Variants in PLEKHA8 observed in about 807,000 individuals in gnomAD.
The protein encoded by PLEKHA8 is pleckstrin homology domain-containing family A member 8.
Under a neutral mutation model 68.2 loss-of-function variants are expected in PLEKHA8, and 36 were observed. That is an observed-to-expected ratio of 0.53 (90% confidence interval 0.40 to 0.70). The LOEUF (loss-of-function observed/expected upper bound fraction) is 0.70. PLEKHA8 is among the 30% of genes least tolerant of loss of function. PLEKHA8 has a pLI of 0.00. For missense variants in PLEKHA8, 505 were observed against 615.4 expected, an observed-to-expected ratio of 0.82 and a Z score of 1.90; for synonymous variants, 211 against 216.1, an observed-to-expected ratio of 0.98 and a Z score of 0.20.
In PLEKHA8 at chr7:30,049,243, C is replaced by T. The variant is rs776503360; in HGVS notation, c.458C>T (p.Thr153Ile). Residue 153 changes from threonine to isoleucine, a missense_variant, in exon 5 of 14, where the codon ACT (threonine) becomes ATT (isoleucine). Thr to Ile is a moderately conservative substitution (Grantham distance 89). Coordinates refer to ENST00000449726, the MANE Select transcript of PLEKHA8 (RefSeq NM_001197026.2). ...SNSEEGIDVG[T>I]LLKSTCNTFL... is the part of the protein sequence containing the mutation. ...TCGTAGGAGGGAATTGATGTGGGAA[C>T]TTTGCTGAAATCAACCTGTAATACT... is the stretch of plus-strand genomic sequence containing the variant. 11 of 1,613,722 alleles carry T rather than the reference C, an allele frequency of 6.8e-6. No homozygotes were observed. The African/African-American group carries it at 1.3e-4, about 20-fold the overall frequency.
intron 13 of PLEKHA8, among the ~76,000 whole-genome samples, chr7:30,075,295 G>T (rs1794542969): frequency 6.6e-6 from 1 of 152,120 alleles, no homozygotes; most frequent in Admixed American, 6.5e-5. Flanking sequence ...ATAGGTGCTG[G>T]ACCAAATGAA....
In PLEKHA8 at chr7:30,083,485, C is replaced by T; in HGVS notation, c.*4698C>T. ...ATCCTGTCTCAGACAGTCAATAGTC[C>T]TGTGTACAGTGACTATTTGCATGAT... On this transcript the variant is annotated 3_prime_UTR_variant, in exon 14 of 14. Coordinates refer to ENST00000449726, the MANE Select transcript of PLEKHA8 (RefSeq NM_001197026.2). The T allele has an allele frequency of 5.1e-6, 5 of 984,764 alleles. No individual in the cohort carries two copies. Among genetic ancestry groups the T allele is most frequent in the Non-Finnish European group, 6.0e-6 (5 of 829,392 alleles). The allele number at this position is 984,764 out of a possible 1,614,324, so 61.0% of individuals were successfully genotyped here. A position where few individuals can be genotyped will look rare whatever the true frequency, so the allele number is the denominator to read the frequency against.
chr7:30,116,004 G>GTATA (rs1796508621), intron 13 of PLEKHA8: 2 of 140,776 alleles, frequency 1.4e-5, no homozygotes, highest in Non-Finnish European at 3.1e-5. Flanking sequence ...GCATACATAC[G>GTATA]CATACATACG....
chr7:30,077,628 T>C (rs1428188899), intron 13 of PLEKHA8, among the ~76,000 whole-genome samples: 1 of 152,206 alleles, frequency 6.6e-6, no homozygotes, highest in South Asian at 2.1e-4. Flanking sequence ...AGTCCAGGTC[T>C]GCTTCATCTA....
chr7:30,065,948 A>C (rs1453392718), intron 12 of PLEKHA8, among the ~76,000 whole-genome samples: 3 of 145,942 alleles, frequency 2.1e-5, no homozygotes, highest in African/African-American at 7.8e-5. Flanking sequence ...CTGCTGAATC[A>C]GACACTGAGG....
At position 30,045,036 on chromosome 7, in the gene PLEKHA8, G is replaced by A. The variant is rs953636742; in HGVS notation, c.41-49G>A. On this transcript the variant is annotated intron_variant, in intron 1 of 13. Transcript: ENST00000449726. ...CTCTATTTCTGTATCTTGGGAGGTA[G>A]TTCATACACAGGCAGTAATTGCAAT... 3.0e-6 allele frequency: 4 copies of A among 1,327,612 alleles called. No individual in the cohort carries two copies. The South Asian group carries it at 3.8e-5, about 13-fold the overall frequency. The allele number at this position is 1,327,612 out of a possible 1,614,324, so 82.2% of individuals were successfully genotyped here.
intron 13 of PLEKHA8, among the ~76,000 whole-genome samples, chr7:30,106,334 G>T (rs1458588670): frequency 6.6e-6 from 1 of 152,030 alleles, no homozygotes; most frequent in Non-Finnish European, 1.5e-5. Flanking sequence ...AAAGTGCTCG[G>T]ATTATAGACA....
chr7:30,050,676 A>G, intron 6 of PLEKHA8: 2 of 553,270 alleles, frequency 3.6e-6, no homozygotes, highest in Non-Finnish European at 5.6e-6. Context: ...CTAATAGGGA[A>G]GATGTTGGCA....
intron 3 of PLEKHA8, 112 bp from the exon 4 acceptor site, chr7:30,047,720 A>G: frequency 1.8e-6 from 2 of 1,120,132 alleles, no homozygotes; most frequent in Non-Finnish European, 2.4e-6. Flanking sequence ...GACTTTGGGC[A>G]TATGTTCTGT....
intron 13 of PLEKHA8, among the ~76,000 whole-genome samples, chr7:30,104,035 G>A (rs1795971118): frequency 6.6e-6 from 1 of 152,118 alleles, no homozygotes; most frequent in Non-Finnish European, 1.5e-5. Flanking sequence ...TTTAAAAAAT[G>A]CACAATGACT....
chr7:30,062,625 C>T (rs762169658), intron 11 of PLEKHA8, 47 bp from the exon 12 acceptor site: 27 of 1,424,476 alleles, frequency 1.9e-5, no homozygotes, highest in Admixed American at 3.4e-5. Flanking sequence ...ACCCACTCAA[C>T]ATAAGTGAAC....
intron 13 of PLEKHA8, among the ~76,000 whole-genome samples, chr7:30,108,347 G>C (rs1796149096): frequency 6.6e-6 from 1 of 152,060 alleles, no homozygotes. Flanking sequence ...TTTGCCATCA[G>C]AATTGTTATA....
intron 13 of PLEKHA8, chr7:30,116,015 C>A (rs111162204): frequency 6.8e-6 from 1 of 146,876 alleles, no homozygotes; most frequent in Admixed American, 6.7e-5. Context: ...CATACATACG[C>A]ATACATACGT....
rs78213963 is a variant in PLEKHA8, at chr7:30,082,307, C to G, written c.*3520C>G. ...TGAAAATTGCCAGCAGTACCGCCAT[C>G]AGCACACCAAATCTACCCCCACTTA... is the stretch of plus-strand genomic sequence containing the variant. On this transcript the variant is annotated 3_prime_UTR_variant, in exon 14 of 14. Coordinates refer to ENST00000449726, the MANE Select transcript of PLEKHA8 (RefSeq NM_001197026.2). The G allele has an allele frequency of 0.14, 142,025 of 985,364 alleles. 10,306 individuals are homozygous for G. Among genetic ancestry groups the G allele is most frequent in the Middle Eastern group, 0.17 (328 of 1,916 alleles). 61.0% of individuals were successfully genotyped at this position (985,364 alleles called of 1,614,324 possible).
chr7:30,063,027 C>T (rs1031273025), intron 12 of PLEKHA8, among the ~76,000 whole-genome samples: 11 of 152,168 alleles, frequency 7.2e-5, no homozygotes, highest in Non-Finnish European at 4.4e-5. Flanking sequence ...CTAATATTAT[C>T]AAGAAGTTAG....
At chr7:30,104,738 T>TTTG (rs1795996917) in intron 13 of PLEKHA8, among the ~76,000 whole-genome samples, 3 of 146,684 alleles carry the variant, frequency 2.0e-5, no homozygotes, top group Admixed American at 6.9e-5. Flanking sequence ...TTTTTTTTTT[T>TTTG]CTGAGGCAGA....
At chr7:30,048,076 G>A (rs1792100195) in intron 4 of PLEKHA8, 120 bp downstream of exon 4, 1 of 552,744 alleles carries the variant, frequency 1.8e-6, no homozygotes, top group South Asian at 8.4e-5. Context: ...TACCTAAAAA[G>A]CACCAGACGT....
chr7:30,115,970 GTGCATGCATGCATGTATGCATA>G (rs1796499852), intron 13 of PLEKHA8: 6 of 108,490 alleles, frequency 5.5e-5, no homozygotes, highest in East Asian at 2.3e-4. Context: ...ATGCATACAT[GTGCATGCATGCATGTATGCATA>G]CGCATACATA....
intron 1 of PLEKHA8, among the ~76,000 whole-genome samples, chr7:30,043,087 G>C (rs181273701): frequency 6.7e-6 from 1 of 148,556 alleles, no homozygotes; most frequent in Non-Finnish European, 1.5e-5. Context: ...CTGCAGCCTC[G>C]ACCTTCCAGG....
Sources: gnomAD v4.1 joint callset for allele counts (sites outside exome capture counted in the v4.1 genomes callset) on GRCh38, gnomAD v4.1.1 for gene constraint, MANE v1.5 for transcripts, NCBI Gene and HGNC (gene_info 2026-07-23, HGNC 2026-07-21) for gene names.